Variants in DGKB observed in about 807,000 individuals in gnomAD.
DGKB encodes 90 kDa diacylglycerol kinase.
A neutral mutation model predicts 114.3 loss-of-function variants in DGKB; 67 were observed. The ratio of observed to expected loss-of-function variants is 0.59; its 90% confidence interval spans 0.48 to 0.72. DGKB has a LOEUF of 0.72. DGKB is among the 30% of genes least tolerant of loss of function. DGKB has a pLI of 0.00. For missense variants in DGKB, 907 were observed against 975.2 expected (o/e 0.93, Z 0.93); for synonymous variants, 398 against 323.1 (o/e 1.23, Z -2.49).
At chr7:14,664,902 G>A (rs1318373092) in intron 13 of DGKB, among the ~76,000 whole-genome samples, 7 of 151,748 alleles carry the variant, frequency 4.6e-5, no homozygotes, top group South Asian at 2.1e-4. Context: ...AGAAAAGAAA[G>A]AAGGAAGGAA....
At chr7:14,192,109 A>G in intron 23 of DGKB, 1 of 378,096 alleles carries the variant, frequency 2.6e-6, no homozygotes, top group Non-Finnish European at 5.2e-6. Flanking sequence ...GATGGTGGAA[A>G]GGTCACCAGA....
At chr7:14,661,172 A>G in intron 13 of DGKB, among the ~76,000 whole-genome samples, 1 of 151,926 alleles carries the variant, frequency 6.6e-6, no homozygotes, top group Admixed American at 6.6e-5. Flanking sequence ...AAACACCAAA[A>G]GCAATGGCAA....
chr7:14,421,879 T>C (rs955366378), intron 21 of DGKB, among the ~76,000 whole-genome samples: 1 of 152,030 alleles, frequency 6.6e-6, no homozygotes, highest in African/African-American at 2.4e-5. Flanking sequence ...CAGAAGTATC[T>C]ATTTAAGTGC....
chr7:14,730,007 C>T (rs780659948), intron 5 of DGKB, among the ~76,000 whole-genome samples: 13 of 152,066 alleles, frequency 8.5e-5, no homozygotes, highest in Non-Finnish European at 1.8e-4. Flanking sequence ...TAGGAAGAAA[C>T]AACAACAAAA....
chr7:14,434,876 A>G (rs1398587577), intron 21 of DGKB, among the ~76,000 whole-genome samples: 1 of 152,098 alleles, frequency 6.6e-6, no homozygotes, highest in African/African-American at 2.4e-5. Flanking sequence ...TATATTTGGC[A>G]TATACCAATG....
At chr7:14,656,026 T>A (rs994189671) in intron 13 of DGKB, among the ~76,000 whole-genome samples, 4 of 151,756 alleles carry the variant, frequency 2.6e-5, no homozygotes, top group South Asian at 2.1e-4. Flanking sequence ...GACTGGAGAA[T>A]TATGAATATT....
chr7:14,960,545 A>T (rs1786781115), intron 1 of DGKB, among the ~76,000 whole-genome samples: 2 of 152,028 alleles, frequency 1.3e-5, no homozygotes. Context: ...GGTAAAGGCA[A>T]ATAAGAGTAG....
intron 21 of DGKB, among the ~76,000 whole-genome samples, chr7:14,437,252 T>A (rs562095191): frequency 2.6e-5 from 4 of 151,500 alleles, no homozygotes; most frequent in African/African-American, 7.2e-5. Context: ...AATTAAAAAT[T>A]AAGGTAGAGT....
intron 17 of DGKB, among the ~76,000 whole-genome samples, chr7:14,605,042 T>C (rs17150062): frequency 0.38 from 57,973 of 151,894 alleles, 11,757 homozygotes; most frequent in East Asian, 0.68. Flanking sequence ...GCAATTCTAC[T>C]CATAGCCACT....
chr7:14,207,699 T>G (rs1173398511), intron 23 of DGKB, among the ~76,000 whole-genome samples: 1 of 152,036 alleles, frequency 6.6e-6, no homozygotes, highest in East Asian at 1.9e-4. Context: ...AAATCCTGAC[T>G]GATAAATGTG....
At chr7:14,920,208 A>C (rs1236800386) in intron 1 of DGKB, among the ~76,000 whole-genome samples, 2 of 152,232 alleles carry the variant, frequency 1.3e-5, no homozygotes, top group Non-Finnish European at 2.9e-5. Context: ...TGTTAAGAGA[A>C]TAAAAAGATA....
intron 23 of DGKB, among the ~76,000 whole-genome samples, chr7:14,336,155 TTAAGTA>T (rs1810614606): frequency 6.6e-6 from 1 of 152,198 alleles, no homozygotes; most frequent in Non-Finnish European, 1.5e-5. Flanking sequence ...TTTTTGGCTA[TTAAGTA>T]TAACATTGAA....
At chr7:14,851,617 C>G (rs967766188) in intron 1 of DGKB, among the ~76,000 whole-genome samples, 1 of 152,154 alleles carries the variant, frequency 6.6e-6, no homozygotes, top group Admixed American at 6.5e-5. Context: ...TGGCTTCTCC[C>G]CTTGCACTTA....
chr7:14,156,107 T>C (rs1455948956), intron 25 of DGKB, among the ~76,000 whole-genome samples: 2 of 152,108 alleles, frequency 1.3e-5, no homozygotes, highest in Non-Finnish European at 2.9e-5. Context: ...AGTGCTATCA[T>C]ATAAACATTT....
At chr7:14,465,892 G>A (rs1481824869) in intron 21 of DGKB, among the ~76,000 whole-genome samples, 1 of 152,258 alleles carries the variant, frequency 6.6e-6, no homozygotes. Context: ...TGTAGTGTGA[G>A]CCTTACTCCT....
At chr7:14,170,173 G>GA (rs909998369) in intron 25 of DGKB, among the ~76,000 whole-genome samples, 3 of 145,218 alleles carry the variant, frequency 2.1e-5, no homozygotes, top group Non-Finnish European at 4.5e-5. Context: ...AAGAAAGAAA[G>GA]AAAGAAAGAA....
intron 13 of DGKB, among the ~76,000 whole-genome samples, chr7:14,639,612 G>A (rs1047436604): frequency 2.0e-5 from 3 of 152,184 alleles, no homozygotes; most frequent in African/African-American, 2.4e-5. Context: ...CTTGCCTTAA[G>A]TTAGGAACAA....
At chr7:14,155,488 A>C (rs1185620808) in intron 25 of DGKB, among the ~76,000 whole-genome samples, 2 of 152,134 alleles carry the variant, frequency 1.3e-5, no homozygotes, top group African/African-American at 4.8e-5. Flanking sequence ...CAGTGGCAGA[A>C]TTAAAACTGA....
chr7:14,234,368 C>T (rs946139532), intron 23 of DGKB, among the ~76,000 whole-genome samples: 6 of 151,956 alleles, frequency 3.9e-5, no homozygotes, highest in African/African-American at 7.2e-5. Context: ...ACATATACTA[C>T]GTGTATATTT....
Sources: gnomAD v4.1 joint callset for allele counts (sites outside exome capture counted in the v4.1 genomes callset) on GRCh38, gnomAD v4.1.1 for gene constraint, MANE v1.5 for transcripts, NCBI Gene and HGNC (gene_info 2026-07-23, HGNC 2026-07-21) for gene names.